Variants in GNG2 observed in about 807,000 individuals in gnomAD.
The protein encoded by GNG2 is guanine nucleotide-binding protein G(I)/G(S)/G(O) subunit gamma-2.
Under a neutral mutation model 5.5 loss-of-function variants are expected in GNG2, and 5 were observed. The ratio of observed to expected loss-of-function variants is 0.91; its 90% CI spans 0.48 to 1.92. GNG2 has a LOEUF of 1.92. Among genes scored for constraint, GNG2 ranks in the 30% most tolerant of loss-of-function variants. The probability of loss-of-function intolerance (pLI) is 0.01; values close to 1 mark genes in which losing one functional copy is unlikely to be tolerated. For synonymous variants in GNG2, 28 were observed against 32.0 expected (o/e 0.88, Z 0.42); for missense variants, 55 against 88.4 (o/e 0.62, Z 1.52).
At chr14:51,853,483 T>C (rs1197441636) in intron 2 of GNG2, among the ~76,000 whole-genome samples, 1 of 152,144 alleles carries the variant, frequency 6.6e-6, no homozygotes, top group Non-Finnish European at 1.5e-5. Context: ...ACAAGTAAAT[T>C]TATGAAAACC....
intron 2 of GNG2, among the ~76,000 whole-genome samples, chr14:51,942,188 G>T (rs1162548554): frequency 1.3e-5 from 2 of 152,212 alleles, no homozygotes; most frequent in Non-Finnish European, 2.9e-5. Context: ...GGGATTATAA[G>T]ACATAAGAAT....
At chr14:51,874,181 CT>C (rs1242993843) in intron 1 of GNG2, 1 of 152,312 alleles carries the variant, frequency 6.6e-6, no homozygotes, top group Non-Finnish European at 1.5e-5. Context: ...AATCCCAGCA[CT>C]TTGGAAGGCT....
chr14:51,836,127 T>C (rs1881323852), intron 2 of GNG2, among the ~76,000 whole-genome samples: 2 of 151,946 alleles, frequency 1.3e-5, no homozygotes, highest in South Asian at 4.2e-4. Context: ...GTACCTTCAT[T>C]TGGCAGAGGA....
chr14:51,949,073 A>T (rs975806609), intron 2 of GNG2, among the ~76,000 whole-genome samples: 4 of 151,232 alleles, frequency 2.6e-5, no homozygotes, highest in Non-Finnish European at 5.9e-5. Flanking sequence ...GTGAGCCGAG[A>T]TCGCGCCACT....
intron 2 of GNG2, among the ~76,000 whole-genome samples, chr14:51,925,176 C>A (rs1887235233): frequency 6.6e-6 from 1 of 152,168 alleles, no homozygotes; most frequent in Non-Finnish European, 1.5e-5. Context: ...ATGCTAATTA[C>A]CTTGATTTGA....
At chr14:51,853,320 A>G (rs1882000500) in intron 2 of GNG2, among the ~76,000 whole-genome samples, 1 of 152,134 alleles carries the variant, frequency 6.6e-6, no homozygotes, top group South Asian at 2.1e-4. Flanking sequence ...TCTAGTTATC[A>G]CACTCTAGTG....
At chr14:51,901,351 T>TA (rs200471158) in intron 2 of GNG2, among the ~76,000 whole-genome samples, 1 of 151,650 alleles carries the variant, frequency 6.6e-6, no homozygotes, top group African/African-American at 2.4e-5. Flanking sequence ...CATGCCCAGC[T>TA]AATTTTTTTT....
intron 1 of GNG2, among the ~76,000 whole-genome samples, chr14:51,876,454 C>T (rs907415567): frequency 3.3e-5 from 5 of 152,078 alleles, no homozygotes; most frequent in South Asian, 2.1e-4. Context: ...CAGGACCAGA[C>T]GGCTTTCCAG....
intron 2 of GNG2, among the ~76,000 whole-genome samples, chr14:51,894,816 A>T (rs1336167088): frequency 1.3e-5 from 2 of 152,138 alleles, no homozygotes; most frequent in African/African-American, 4.8e-5. Context: ...ATTTCTAAAA[A>T]CTAGAATTTA....
intron 2 of GNG2, among the ~76,000 whole-genome samples, chr14:51,949,849 A>T (rs1318893619): frequency 6.6e-6 from 1 of 152,178 alleles, no homozygotes; most frequent in Non-Finnish European, 1.5e-5. Flanking sequence ...ATAAGAAGAG[A>T]AATGAATGTG....
chr14:51,839,686 CGTG>C (rs932883468), intron 2 of GNG2, among the ~76,000 whole-genome samples: 1 of 152,092 alleles, frequency 6.6e-6, no homozygotes, highest in African/African-American at 2.4e-5. Context: ...ATATCTTGAT[CGTG>C]GTGGTGGTTA....
At chr14:51,852,825 A>G (rs991200728) in intron 2 of GNG2, among the ~76,000 whole-genome samples, 3 of 152,262 alleles carry the variant, frequency 2.0e-5, no homozygotes, top group African/African-American at 7.2e-5. Flanking sequence ...GTACCTTCAG[A>G]GTTCACAGAT....
intron 2 of GNG2, among the ~76,000 whole-genome samples, chr14:51,920,239 G>C (rs1339415999): frequency 6.6e-6 from 1 of 151,938 alleles, no homozygotes; most frequent in African/African-American, 2.4e-5. Context: ...TATCCACAGG[G>C]GTCCTGAAAC....
intron 3 of GNG2, among the ~76,000 whole-genome samples, chr14:51,956,804 A>G (rs1215072532): frequency 6.6e-6 from 1 of 152,166 alleles, no homozygotes; most frequent in Non-Finnish European, 1.5e-5. Context: ...ATCGATTTTA[A>G]GATGTGTCTC....
At chr14:51,859,774 G>A (rs1417668501), upstream of GNG2, among the ~76,000 whole-genome samples, 5 of 152,192 alleles carry the variant, frequency 3.3e-5, no homozygotes, top group Non-Finnish European at 7.3e-5. Flanking sequence ...GAAGGGAAGG[G>A]ACTGGAGGAT....
At chr14:51,942,037 C>T (rs1222537320) in intron 2 of GNG2, among the ~76,000 whole-genome samples, 2 of 152,118 alleles carry the variant, frequency 1.3e-5, no homozygotes, top group Admixed American at 6.5e-5. Context: ...AAATATAACC[C>T]GGAATAATCT....
intron 1 of GNG2, 110 bp from the exon 2 acceptor site, chr14:51,877,507 T>C (rs746947146): frequency 7.1e-6 from 3 of 423,590 alleles, no homozygotes; most frequent in Non-Finnish European, 1.4e-5. Flanking sequence ...ATATTGCCAT[T>C]ACCACCCACC....
At chr14:51,875,516 T>C (rs993430550) in intron 1 of GNG2, among the ~76,000 whole-genome samples, 1 of 152,174 alleles carries the variant, frequency 6.6e-6, no homozygotes. Flanking sequence ...TCTGCCACTT[T>C]TGTTATTCTG....
At chr14:51,865,779 T>C (rs2140110666) in intron 1 of GNG2, among the ~76,000 whole-genome samples, 1 of 152,286 alleles carries the variant, frequency 6.6e-6, no homozygotes, top group South Asian at 2.1e-4. Flanking sequence ...TGTACAAACT[T>C]GTTCAGGTGT....
Sources: gnomAD v4.1 joint callset for allele counts (sites outside exome capture counted in the v4.1 genomes callset) on GRCh38, gnomAD v4.1.1 for gene constraint, MANE v1.5 for transcripts, NCBI Gene and HGNC (gene_info 2026-07-23, HGNC 2026-07-21) for gene names.